The following PPARGC1B variants were observed in gnomAD, a reference collection of about 807,000 sequenced individuals.
PPARGC1B encodes the protein peroxisome proliferator-activated receptor gamma coactivator 1-beta.
Under a neutral mutation model 101.6 loss-of-function variants are expected in PPARGC1B, and 34 were observed. That is an observed-to-expected ratio of 0.33 (90% CI 0.25 to 0.45). PPARGC1B has a LOEUF of 0.45. Ranked by LOEUF, PPARGC1B falls within the 20% of genes least tolerant of loss-of-function variation. The pLI, the probability that PPARGC1B is intolerant of heterozygous loss-of-function variation, is 1.00. For missense variants in PPARGC1B, 1,234 were observed against 1,317.6 expected, an observed-to-expected ratio of 0.94 and a Z score of 0.98; for synonymous variants, 548 against 539.3, an observed-to-expected ratio of 1.02 and a Z score of -0.22.
intron 11 of PPARGC1B, 137 bp from the exon 12 acceptor site, chr5:149,847,321 T>G (rs762093002): frequency 1.3e-6 from 1 of 785,024 alleles, no homozygotes; most frequent in Non-Finnish European, 2.4e-6. Context: ...AGTCCAGCGC[T>G]CATCCCAGCT....
intron 1 of PPARGC1B, among the ~76,000 whole-genome samples, chr5:149,802,684 A>G (rs1289535482): frequency 1.3e-5 from 2 of 151,226 alleles, no homozygotes; most frequent in East Asian, 1.9e-4. Flanking sequence ...ATCTCTACAG[A>G]TGGGGCAGCT....
At chr5:149,785,931 T>TC (rs1756788406) in intron 1 of PPARGC1B, among the ~76,000 whole-genome samples, 1 of 150,892 alleles carries the variant, frequency 6.6e-6, no homozygotes, top group African/African-American at 2.4e-5. Flanking sequence ...TTTTTTTTTT[T>TC]CTTTTTTTGA....
intron 10 of PPARGC1B, 48 bp downstream of exon 10, chr5:149,842,425 T>G: frequency 6.3e-7 from 1 of 1,594,102 alleles, no homozygotes; most frequent in Non-Finnish European, 8.6e-7. Context: ...AGAGGGGCAC[T>G]GGTCCTGATC....
At chr5:149,815,058 T>C (rs1343071446) in intron 1 of PPARGC1B, among the ~76,000 whole-genome samples, 1 of 152,258 alleles carries the variant, frequency 6.6e-6, no homozygotes, top group African/African-American at 2.4e-5. Context: ...TGGTCTTGAA[T>C]GTTCCTTCTC....
chr5:149,755,792 C>T (rs529738582), intron 1 of PPARGC1B, among the ~76,000 whole-genome samples: 7 of 151,906 alleles, frequency 4.6e-5, no homozygotes, highest in South Asian at 2.1e-4. Flanking sequence ...TATAGGTGTC[C>T]GCCACCATGC....
intron 2 of PPARGC1B, among the ~76,000 whole-genome samples, chr5:149,822,382 C>T (rs773823257): frequency 2.0e-5 from 3 of 152,208 alleles, no homozygotes; most frequent in Non-Finnish European, 4.4e-5. Context: ...TCTGCCCTCC[C>T]AGCCCCTCTC....
At chr5:149,785,626 C>G (rs191869110) in intron 1 of PPARGC1B, among the ~76,000 whole-genome samples, 1 of 152,354 alleles carries the variant, frequency 6.6e-6, no homozygotes, top group East Asian at 1.9e-4. Flanking sequence ...TACTCTGCCT[C>G]TCCTGAGAGC....
At chr5:149,799,512 C>T (rs992198564) in intron 1 of PPARGC1B, among the ~76,000 whole-genome samples, 7 of 152,082 alleles carry the variant, frequency 4.6e-5, no homozygotes, top group Middle Eastern at 6.8e-3. Context: ...CCTGGAAGCC[C>T]GAGACACTGA....
intron 1 of PPARGC1B, among the ~76,000 whole-genome samples, chr5:149,746,572 T>C (rs1214708850): frequency 6.6e-6 from 1 of 152,244 alleles, no homozygotes; most frequent in Admixed American, 6.5e-5. Context: ...GGTGCACAAA[T>C]ATCTCTTGGA....
intron 1 of PPARGC1B, among the ~76,000 whole-genome samples, chr5:149,819,357 T>C (rs1758182281): frequency 6.6e-6 from 1 of 152,242 alleles, no homozygotes; most frequent in South Asian, 2.1e-4. Flanking sequence ...TTTACACATG[T>C]GGGGTTATAT....
At chr5:149,856,432 G>A (rs1034828341), downstream of PPARGC1B, among the ~76,000 whole-genome samples, 1 of 152,140 alleles carries the variant, frequency 6.6e-6, no homozygotes, top group African/African-American at 2.4e-5. Context: ...CAGGAGAACA[G>A]GCCTGCCTTT....
chr5:149,735,432 G>A lies in PPARGC1B; in HGVS notation c.78+5012G>A, dbSNP rs558275789. On this transcript the variant is annotated intron_variant, in intron 1 of 11. Coordinates refer to ENST00000309241, the MANE Select transcript of PPARGC1B (RefSeq NM_133263.4). ...GAAAGACTGGCTCGAGTGAGAAGCA[G>A]TCTTGCAAAGGGGGCTCAGGCTTGG... Among the ~76,000 whole-genome samples, 4 of 152,352 alleles carry A rather than the reference G, an allele frequency of 2.6e-5. No individual in the cohort carries two copies. In the South Asian group the frequency reaches 8.3e-4, roughly 32 times the overall value.
In PPARGC1B at chr5:149,833,178, C is replaced by T. The variant is rs763466906; in HGVS notation, c.1105C>T (p.Leu369Phe). The change falls in exon 5 of 12, where the codon CTC (leucine) becomes TTC (phenylalanine). Residue 369 changes from leucine (L) to phenylalanine (F), a missense_variant. Physicochemically the swap from Leu to Phe is conservative, Grantham distance 22. Around this residue, in one of 3 missense-constraint regions of PPARGC1B, gnomAD observed 734 missense variants for 768.4 expected, o/e 0.96. Transcript: ENST00000309241. The surrounding 1 kb of genome is among the most constrained non-coding windows in gnomAD (Gnocchi z 4.1). ...TCTGGCCACGCCTGTTTATGCCTCCCTCACACCTCGGTCAAGGCCCAGGCC... is the reference window on the plus strand; with the variant it reads ...TCTGGCCACGCCTGTTTATGCCTCCTTCACACCTCGGTCAAGGCCCAGGCC... ...YRLATPVYAS[L>F]TPRSRPRPPK... 1.2e-6 allele frequency: 2 copies of T among 1,613,586 alleles called. No homozygotes were observed. The highest frequency in any genetic ancestry group is 4.5e-5 in the East Asian group (2 of 44,882).
In PPARGC1B at chr5:149,833,210, A is replaced by G; in HGVS notation, c.1137A>G (p.Lys379=). 1 of 1,613,232 alleles carries G rather than the reference A, an allele frequency of 6.2e-7. No individual in the cohort carries two copies. Among genetic ancestry groups the G allele is most frequent in the Non-Finnish European group, 8.5e-7 (1 of 1,179,978 alleles). ...LTPRSRPRPP[K]DSQASPGRPS... ...CTCGGTCAAGGCCCAGGCCCCCCAA[A>G]GACAGTCAGGCCTCCCCTGGTCGCC... The change falls in exon 5 of 12, where the codon AAA becomes AAG. Residue 379 remains lysine, a synonymous_variant. Coordinates refer to ENST00000309241, the MANE Select transcript of PPARGC1B (RefSeq NM_133263.4). This position sits in a 1 kb window ranked among gnomAD's most constrained non-coding sequence, Gnocchi z 4.1.
intron 1 of PPARGC1B, among the ~76,000 whole-genome samples, chr5:149,746,158 C>G (rs17711318): frequency 0.12 from 17,600 of 152,250 alleles, 1,363 homozygotes; most frequent in Admixed American, 0.24. Flanking sequence ...AATTAGTCTT[C>G]TAGCTAGTGT....
intron 1 of PPARGC1B, among the ~76,000 whole-genome samples, chr5:149,741,547 T>G (rs1387211349): frequency 2.0e-5 from 3 of 152,150 alleles, no homozygotes; most frequent in Admixed American, 1.3e-4. Context: ...TGTAGCTCAC[T>G]ATCCATCTAT....
At chr5:149,735,674 GAC>G (rs1287553585) in intron 1 of PPARGC1B, among the ~76,000 whole-genome samples, 28 of 152,338 alleles carry the variant, frequency 1.8e-4, no homozygotes, top group African/African-American at 5.8e-4. Flanking sequence ...ACTTGTGGAA[GAC>G]TAATTACCTT....
Position 149,732,769 on chromosome 5 carries a change from G to T in PPARGC1B, c.78+2349G>T, listed in dbSNP as rs562869615. ...TATTTTACAGCTGGAGAAAGAGGCT[G>T]CGAGGAGTGAGCGGCTTGTATGGGA... On this transcript the variant is annotated intron_variant, in intron 1 of 11. Coordinates refer to ENST00000309241, the MANE Select transcript of PPARGC1B (RefSeq NM_133263.4). The T allele has an allele frequency of 2.5e-5, 12 of 471,220 alleles. No homozygotes were observed. In the East Asian group the frequency reaches 8.4e-4, roughly 33 times the overall value. The allele number at this position is 471,220 out of a possible 1,614,324, so 29.2% of individuals were successfully genotyped here. A position where few individuals can be genotyped will look rare whatever the true frequency, so the allele number is the denominator to read the frequency against.
intron 1 of PPARGC1B, among the ~76,000 whole-genome samples, chr5:149,738,652 G>T (rs1754810062): frequency 6.6e-6 from 1 of 151,904 alleles, no homozygotes; most frequent in South Asian, 2.1e-4. Flanking sequence ...GCCCAGGTTG[G>T]AGTGCAGTGG....
Sources: allele counts gnomAD v4.1 joint callset (sites outside exome capture counted in the v4.1 genomes callset), GRCh38; gene constraint gnomAD v4.1.1; regional missense constraint gnomAD v4.1.1; non-coding constraint Gnocchi (gnomAD v3.1); transcripts MANE v1.5; gene names NCBI Gene and HGNC (gene_info 2026-07-23, HGNC 2026-07-21).